The following FKBP15 variants were observed in gnomAD, a reference collection of about 807,000 sequenced individuals.
FKBP15 encodes FKBP prolyl isomerase family member 15, also known as FK506-binding protein 15.
A neutral mutation model predicts 158.1 loss-of-function variants in FKBP15; 106 were observed. The observed-to-expected ratio is 0.67, with a 90% confidence interval of 0.57 to 0.79. The LOEUF (loss-of-function observed/expected upper bound fraction) is 0.79, where lower values mean the gene tolerates loss of function less well. Among genes scored for constraint, FKBP15 ranks in the 30% least tolerant of loss-of-function variants. The probability of loss-of-function intolerance (pLI) is 0.00; values close to 1 mark genes in which losing one functional copy is unlikely to be tolerated. For synonymous variants in FKBP15, 547 were observed against 548.6 expected (o/e 1.00, Z 0.04); for missense variants, 1,287 against 1,479.1 (o/e 0.87, Z 2.13).
At chr9:113,171,391 A>G (rs1830206117) in intron 24 of FKBP15, among the ~76,000 whole-genome samples, 190 bp downstream of exon 24, 1 of 152,220 alleles carries the variant, frequency 6.6e-6, no homozygotes, top group Non-Finnish European at 1.5e-5. Flanking sequence ...ACATCACTGC[A>G]CTCTAGCCTG....
rs1252594853 is a variant in FKBP15 at position 113,190,869 on chromosome 9, C to T, written c.1066-291G>A. Among the ~76,000 whole-genome samples, 5 of 152,118 alleles carry T rather than the reference C, an allele frequency of 3.3e-5. 1 individual carries two copies. The highest frequency in any genetic ancestry group is 1.2e-4 in the African/African-American group (5 of 41,408). On this transcript the variant is annotated intron_variant, in intron 11 of 27. Coordinates refer to ENST00000238256, the MANE Select transcript of FKBP15 (RefSeq NM_015258.2). ...AGCAGGCATAATTAGTCTCATTTTACAGATGAAAAATTAAAGTGAGATGTT... is the reference window on the plus strand; with the variant it reads ...AGCAGGCATAATTAGTCTCATTTTATAGATGAAAAATTAAAGTGAGATGTT...
intron 4 of FKBP15, among the ~76,000 whole-genome samples, chr9:113,203,808 T>G (rs1257765731): frequency 6.6e-6 from 1 of 152,152 alleles, no homozygotes; most frequent in Non-Finnish European, 1.5e-5. Flanking sequence ...ATTACAGGTG[T>G]GAGCCACCGC....
At chr9:113,208,378 A>G (rs147179364) in intron 2 of FKBP15, among the ~76,000 whole-genome samples, 6 of 152,288 alleles carry the variant, frequency 3.9e-5, no homozygotes, top group Admixed American at 2.0e-4. Flanking sequence ...ACTACAGAGT[A>G]ACACTAACAT....
At chr9:113,203,128 G>T (rs1029264464) in intron 4 of FKBP15, 93 bp from the exon 5 acceptor site, 1 of 831,152 alleles carries the variant, frequency 1.2e-6, no homozygotes. Context: ...TCAGCAATAA[G>T]TATCAAAGGT....
intron 19 of FKBP15, among the ~76,000 whole-genome samples, chr9:113,181,106 A>G (rs1394069244): frequency 1.3e-5 from 2 of 152,220 alleles, no homozygotes; most frequent in African/African-American, 4.8e-5. Context: ...GCATCAAGAG[A>G]TTCCCTAAAA....
chr9:113,213,485 G>A (rs1831056767), intron 1 of FKBP15, among the ~76,000 whole-genome samples: 2 of 151,760 alleles, frequency 1.3e-5, no homozygotes, highest in Non-Finnish European at 2.9e-5. Context: ...GAGGCAGGAG[G>A]CTCAACTGAG....
intron 15 of FKBP15, 100 bp downstream of exon 15, chr9:113,186,149 C>A: frequency 1.3e-6 from 1 of 751,354 alleles, no homozygotes; most frequent in Non-Finnish European, 2.2e-6. Flanking sequence ...AGAGAAGAAA[C>A]AATGAGTAGA....
intron 12 of FKBP15, among the ~76,000 whole-genome samples, chr9:113,189,087 G>A (rs1345774219): frequency 6.6e-6 from 1 of 152,118 alleles, no homozygotes; most frequent in East Asian, 1.9e-4. Context: ...TCTACCTCCT[G>A]CTTCATATAA....
chr9:113,204,101 A>G (rs7041947), intron 4 of FKBP15, among the ~76,000 whole-genome samples: 143,882 of 152,222 alleles, frequency 0.95, 68,109 homozygotes, highest in East Asian at 1. Context: ...TTTTGAGATG[A>G]CGTTTCACTC....
chr9:113,174,410 G>A lies in FKBP15; in HGVS notation c.2379+18C>T. The A allele has an allele frequency of 1.2e-6, 2 of 1,611,838 alleles. No homozygotes were observed. The highest frequency in any genetic ancestry group is 1.7e-6 in the Non-Finnish European group (2 of 1,178,796). On this transcript the variant is annotated intron_variant, in intron 22 of 27. Coordinates refer to ENST00000238256, the MANE Select transcript of FKBP15 (RefSeq NM_015258.2). Reference sequence around the variant, plus strand: ...CACACCTTCCCTCTATTTTCAAAGTGCTTCAGTTTCCCATTACCTGCTCTG... The same window carrying A: ...CACACCTTCCCTCTATTTTCAAAGTACTTCAGTTTCCCATTACCTGCTCTG...
intron 25 of FKBP15, among the ~76,000 whole-genome samples, chr9:113,170,226 A>G (rs543295972): frequency 6.6e-6 from 1 of 152,162 alleles, no homozygotes; most frequent in Non-Finnish European, 1.5e-5. Context: ...CCTGGGCTCA[A>G]GTGATTCTCC....
At position 113,161,640 on chromosome 9, in the gene FKBP15, GAGAC is replaced by G; in HGVS notation, c.*4434_*4437del. On this transcript the variant is annotated 3_prime_UTR_variant, in exon 28 of 28. Coordinates refer to ENST00000238256, the MANE Select transcript of FKBP15 (RefSeq NM_015258.2). ...CTCCATCAGCCAGCAGACCATCGCA[GAGAC>G]AGACGGGGACTCTGCAGGCTCAGAT... The G allele has an allele frequency of 1.2e-6, 2 of 1,614,050 alleles. No homozygotes were observed. The highest frequency in any genetic ancestry group is 1.7e-6 in the Non-Finnish European group (2 of 1,179,908).
At chr9:113,166,347 G>C (rs1830098807) in intron 27 of FKBP15, among the ~76,000 whole-genome samples, 192 bp from the exon 28 acceptor site, 1 of 152,206 alleles carries the variant, frequency 6.6e-6, no homozygotes, top group African/African-American at 2.4e-5. Context: ...AGAGAAGGGA[G>C]GCAGTCTTTC....
At chr9:113,189,582 C>T (rs1830541090) in intron 12 of FKBP15, among the ~76,000 whole-genome samples, 1 of 151,980 alleles carries the variant, frequency 6.6e-6, no homozygotes, top group Admixed American at 6.6e-5. Flanking sequence ...CCTCAGAAAT[C>T]CTATCTTCCT....
chr9:113,210,931 G>A lies in FKBP15; in HGVS notation c.169+546C>T, dbSNP rs181486517. On this transcript the variant is annotated intron_variant, in intron 2 of 27. Transcript: ENST00000238256. ...CTAGCGGTTGGCCAGAGGCTCTCAG[G>A]CCTGCAGCCACAGACTGAAGGCTGC... Among the ~76,000 whole-genome samples the A allele has an allele frequency of 2.7e-3, 417 of 152,288 alleles. 3 individuals are homozygous for A. Among genetic ancestry groups the A allele is most frequent in the Non-Finnish European group, 4.1e-3 (277 of 68,020 alleles).
Position 113,165,439 on chromosome 9 carries a change from G to GT in FKBP15, c.*638dup, listed in dbSNP as rs1830082959. ...TGTGCACATTAACTGACCCAGATCT[G>GT]TAAGACTCCTACCCTTAGATTCCCA... On this transcript the variant is annotated 3_prime_UTR_variant, in exon 28 of 28. Transcript: ENST00000238256. The GT allele has an allele frequency of 6.7e-6, 1 of 148,998 alleles. No individual in the cohort carries two copies. The highest frequency in any genetic ancestry group is 2.1e-4 in the South Asian group (1 of 4,668). The allele number at this position is 148,998 out of a possible 1,614,324, so 9.2% of individuals were successfully genotyped here.
intron 14 of FKBP15, 186 bp from the exon 15 acceptor site, chr9:113,186,549 C>T (rs1476999034): frequency 1.8e-6 from 1 of 551,400 alleles, no homozygotes; most frequent in Non-Finnish European, 3.3e-6. Context: ...TCTATGTATC[C>T]CAGGGGAAAC....
Position 113,169,651 on chromosome 9 carries a change from T to C in FKBP15, c.3058A>G (p.Ile1020Val). The C allele has an allele frequency of 1.2e-6, 2 of 1,613,980 alleles. No homozygotes were observed. The highest frequency in any genetic ancestry group is 1.7e-5 in the Admixed American group (1 of 60,014). The change falls in exon 26 of 28, where the codon ATA (isoleucine) becomes GTA (valine). Residue 1020 changes from isoleucine to valine, a missense_variant. By Grantham distance (29) the Ile-to-Val change is conservative. Transcript: ENST00000238256. Reference protein sequence around the residue: ...GDSEAEALSEIKDGSLPPELS... With the variant: ...GDSEAEALSEVKDGSLPPELS... ...TCGGGTGGAAGGGAACCATCTTTTA[T>C]CTCTGAGAGTGCCTCAGCTTCTGAG...
At position 113,163,490 on chromosome 9, in the gene FKBP15, A is replaced by T. The variant is rs1830050060; in HGVS notation, c.*2588T>A. 6.6e-6 allele frequency: 1 copy of T among 152,580 alleles called. No individual in the cohort carries two copies. Among genetic ancestry groups the T allele is most frequent in the South Asian group, 2.1e-4 (1 of 4,830 alleles). 9.5% of individuals were successfully genotyped at this position (152,580 alleles called of 1,614,324 possible). ...TAAGTTTTTTTTATTTTTCCCATTGAACTCCTAGTTGGCAATTTTGCACAT... is the reference window on the plus strand; with the variant it reads ...TAAGTTTTTTTTATTTTTCCCATTGTACTCCTAGTTGGCAATTTTGCACAT... On this transcript the variant is annotated 3_prime_UTR_variant, in exon 28 of 28. Transcript: ENST00000238256.
Sources: gnomAD v4.1 joint callset for allele counts (sites outside exome capture counted in the v4.1 genomes callset) on GRCh38, gnomAD v4.1.1 for gene constraint, MANE v1.5 for transcripts, NCBI Gene and HGNC (gene_info 2026-07-23, HGNC 2026-07-21) for gene names.